EPSTI1: variants seen among roughly 807,000 people sequenced by gnomAD.
EPSTI1 encodes epithelial stromal interaction 1, also known as epithelial-stromal interaction protein 1.
EPSTI1 carries 66 observed loss-of-function variants against 49.9 expected under a neutral mutation model. The observed-to-expected ratio is 1.32, with a 90% CI of 1.08 to 1.62. The LOEUF (loss-of-function observed/expected upper bound fraction) is 1.62, where lower values mean the gene tolerates loss of function less well. Ranked by LOEUF, EPSTI1 falls within the 40% of genes most tolerant of loss-of-function variation. The pLI is 0.00. For missense variants in EPSTI1, 394 were observed against 365.5 expected (o/e 1.08, Z -0.64); for synonymous variants, 137 against 130.7 (o/e 1.05, Z -0.33).
intron 8 of EPSTI1, among the ~76,000 whole-genome samples, chr13:42,912,919 C>A: frequency 6.6e-6 from 1 of 151,006 alleles, no homozygotes; most frequent in South Asian, 2.1e-4. Context: ...GATAGATGTC[C>A]CAGAAATGGA....
At chr13:42,893,254 A>G (rs2037090269) in intron 10 of EPSTI1, among the ~76,000 whole-genome samples, 1 of 152,222 alleles carries the variant, frequency 6.6e-6, no homozygotes, top group Non-Finnish European at 1.5e-5. Flanking sequence ...TGCTGATGGA[A>G]GTGTTCTAGT....
intron 8 of EPSTI1, among the ~76,000 whole-genome samples, chr13:42,912,043 T>C (rs1008629220): frequency 3.9e-5 from 6 of 152,246 alleles, no homozygotes; most frequent in Admixed American, 3.3e-4. Flanking sequence ...AGTATTTTAC[T>C]GATTCTTGTA....
At chr13:42,947,979 G>A (rs189135786) in intron 6 of EPSTI1, among the ~76,000 whole-genome samples, 2 of 152,322 alleles carry the variant, frequency 1.3e-5, no homozygotes, top group African/African-American at 2.4e-5. Context: ...CCCAGGCCCC[G>A]GTCCTGCTGG....
At chr13:42,991,831 T>C in intron 1 of EPSTI1, 147 bp downstream of exon 1, 1 of 908,304 alleles carries the variant, frequency 1.1e-6, no homozygotes, top group Non-Finnish European at 1.7e-6. Context: ...GCATGGATAC[T>C]TTCATTTAAG....
At chr13:42,961,543 C>A (rs2039450092) in intron 5 of EPSTI1, among the ~76,000 whole-genome samples, 1 of 152,214 alleles carries the variant, frequency 6.6e-6, no homozygotes, top group Non-Finnish European at 1.5e-5. Flanking sequence ...TTAACTCTTC[C>A]TGGGCCCCAC....
intron 6 of EPSTI1, among the ~76,000 whole-genome samples, chr13:42,937,751 A>T (rs1689717311): frequency 6.6e-6 from 1 of 152,042 alleles, no homozygotes; most frequent in African/African-American, 2.4e-5. Context: ...TGAGTCCATC[A>T]ATGTCATCCA....
Position 42,922,245 on chromosome 13 carries a change from G to A in EPSTI1, c.657+4091C>T, listed in dbSNP as rs1594651574. 2.6e-5 allele frequency among the ~76,000 whole-genome samples: 4 copies of A among 152,312 alleles called. No homozygotes were observed. In the Middle Eastern group the frequency reaches 0.014, roughly 518 times the overall value. On this transcript the variant is annotated intron_variant, in intron 7 of 10. Transcript: ENST00000313624. This position sits in a 1 kb window ranked among gnomAD's most constrained non-coding sequence, Gnocchi z 4.8. ...GAAACAGGTGGTGGGTTGCATAATG[G>A]CCCCCCAAAGACGTCCCAATCCCTG...
At chr13:42,902,570 G>C (rs188576293) in intron 8 of EPSTI1, among the ~76,000 whole-genome samples, 341 of 152,270 alleles carry the variant, frequency 2.2e-3, no homozygotes, top group Non-Finnish European at 3.4e-3. Context: ...TATGGGGAGA[G>C]AGTGATAAAA....
chr13:42,973,487 A>G (rs2039812229), intron 1 of EPSTI1, among the ~76,000 whole-genome samples: 1 of 152,210 alleles, frequency 6.6e-6, no homozygotes, highest in South Asian at 2.1e-4. Context: ...AGTCCCAAGA[A>G]AGCATTGCCA....
At chr13:42,957,888 T>C (rs1594726103) in intron 5 of EPSTI1, among the ~76,000 whole-genome samples, 2 of 152,356 alleles carry the variant, frequency 1.3e-5, no homozygotes, top group African/African-American at 4.8e-5. Flanking sequence ...TATTTAATTT[T>C]ACACAGAGCA....
intron 7 of EPSTI1, 113 bp downstream of exon 7, chr13:42,926,223 G>A (rs2038172412): frequency 1.3e-6 from 1 of 744,370 alleles, no homozygotes; most frequent in Non-Finnish European, 2.5e-6. Context: ...CAGGTCATCT[G>A]TCTTTAGTTC....
In EPSTI1 at chr13:42,887,909, A is replaced by C. The variant is rs1305172626; in HGVS notation, c.*585T>G. ...ACTATATTTGATCTATACGGCCTGG[A>C]AAAGGGAATTAAAATGAGACCCTTC... On this transcript the variant is annotated 3_prime_UTR_variant, in exon 11 of 11. Transcript: ENST00000313624. 2 of 177,006 alleles carry C rather than the reference A, an allele frequency of 1.1e-5. No homozygotes were observed. The highest frequency in any genetic ancestry group is 4.8e-5 in the African/African-American group (2 of 41,848). The allele number at this position is 177,006 out of a possible 1,614,324, so 11.0% of individuals were successfully genotyped here. A position where few individuals can be genotyped will look rare whatever the true frequency, so the allele number is the denominator to read the frequency against.
At chr13:42,942,734 T>C (rs1303629314) in intron 6 of EPSTI1, among the ~76,000 whole-genome samples, 1 of 128,370 alleles carries the variant, frequency 7.8e-6, no homozygotes, top group East Asian at 2.6e-4. Context: ...CAGGCCGGAC[T>C]GCAGACTGCA....
intron 1 of EPSTI1, among the ~76,000 whole-genome samples, chr13:42,973,571 C>T (rs1423285262): frequency 1.3e-5 from 2 of 152,116 alleles, no homozygotes; most frequent in African/African-American, 4.8e-5. Context: ...AAAGGATATG[C>T]TTTTTATTTT....
intron 1 of EPSTI1, among the ~76,000 whole-genome samples, chr13:42,974,485 G>A (rs1221562736): frequency 1.4e-5 from 2 of 146,498 alleles, no homozygotes; most frequent in Non-Finnish European, 3.0e-5. Flanking sequence ...GTGAAACCCC[G>A]TCTCTACTAA....
At chr13:42,896,779 C>A (rs114704723) in intron 9 of EPSTI1, among the ~76,000 whole-genome samples, 1 of 152,192 alleles carries the variant, frequency 6.6e-6, no homozygotes, top group African/African-American at 2.4e-5. Context: ...TCCTCCCCCA[C>A]TGAGTATCAT....
Position 42,952,152 on chromosome 13 carries a change from T to G in EPSTI1, c.563+1796A>C, listed in dbSNP as rs116325791. Among the ~76,000 whole-genome samples the G allele has an allele frequency of 3.3e-3, 508 of 152,230 alleles. 4 individuals carry two copies. The highest frequency in any genetic ancestry group is 0.012 in the African/African-American group (478 of 41,532). ...ATCAGCACTCTATAAAATGGACCGA[T>G]CAACGGGATGTGGGCGCAGACAAAT... is the stretch of plus-strand genomic sequence containing the variant. On this transcript the variant is annotated intron_variant, in intron 6 of 10. Transcript: ENST00000313624.
At chr13:42,983,563 CAAAAAAAA>C (rs56259281) in intron 1 of EPSTI1, among the ~76,000 whole-genome samples, 1 of 95,496 alleles carries the variant, frequency 1.0e-5, no homozygotes, top group Admixed American at 1.2e-4. Flanking sequence ...GACTCCATCT[CAAAAAAAA>C]AAAAAAAAAA....
intron 6 of EPSTI1, among the ~76,000 whole-genome samples, chr13:42,926,990 GACACACACACAC>G (rs10529424): frequency 9.0e-5 from 13 of 144,610 alleles, no homozygotes; most frequent in East Asian, 4.1e-4. Flanking sequence ...TCTGTTAACA[GACACACACACAC>G]ACACACACAC....
Sources: allele counts gnomAD v4.1 joint callset (sites outside exome capture counted in the v4.1 genomes callset), GRCh38; gene constraint gnomAD v4.1.1; non-coding constraint Gnocchi (gnomAD v3.1); transcripts MANE v1.5; gene names NCBI Gene and HGNC (gene_info 2026-07-23, HGNC 2026-07-21).